Variants in PTPRK observed in about 807,000 individuals in gnomAD.
The protein encoded by PTPRK is receptor-type tyrosine-protein phosphatase kappa.
In PTPRK, 75 loss-of-function variants were observed where a neutral mutation model predicts 178.0. The observed-to-expected ratio is 0.42, with a 90% CI of 0.35 to 0.51. PTPRK has a LOEUF of 0.51. PTPRK is among the 20% of genes least tolerant of loss of function. PTPRK has a pLI of 0.02. For synonymous variants in PTPRK, 637 were observed against 620.6 expected (o/e 1.03, Z -0.39); for missense variants, 1,441 against 1,797.8 (o/e 0.80, Z 3.59).
chr6:128,295,270 G>C (rs1463618876), intron 3 of PTPRK, among the ~76,000 whole-genome samples: 2 of 151,930 alleles, frequency 1.3e-5, no homozygotes, highest in African/African-American at 4.8e-5. Flanking sequence ...ACCACTATTG[G>C]ATAGTGGACA....
intron 3 of PTPRK, among the ~76,000 whole-genome samples, chr6:128,298,378 A>C (rs1028452276): frequency 2.0e-5 from 3 of 151,442 alleles, no homozygotes; most frequent in Non-Finnish European, 4.4e-5. Context: ...AGCTCATTTT[A>C]TGAGGCCAGC....
chr6:128,313,371 T>C (rs1234320607), intron 3 of PTPRK, among the ~76,000 whole-genome samples: 1 of 152,130 alleles, frequency 6.6e-6, no homozygotes, highest in Non-Finnish European at 1.5e-5. Context: ...CCTATAATAC[T>C]ATTGGAGGAA....
At chr6:128,157,560 T>G (rs1798109659) in intron 7 of PTPRK, among the ~76,000 whole-genome samples, 1 of 151,944 alleles carries the variant, frequency 6.6e-6, no homozygotes, top group African/African-American at 2.4e-5. Flanking sequence ...CTAAGTTTAT[T>G]TCTTTTCCAG....
intron 3 of PTPRK, among the ~76,000 whole-genome samples, chr6:128,282,545 T>C (rs1583884810): frequency 6.6e-6 from 1 of 152,154 alleles, no homozygotes; most frequent in Non-Finnish European, 1.5e-5. Context: ...ACACCAGAAG[T>C]TGATAAAACC....
Position 128,180,302 on chromosome 6 carries a change from G to C in PTPRK, c.1162+4130C>G, listed in dbSNP as rs575644135. Among the ~76,000 whole-genome samples the C allele has an allele frequency of 6.4e-3, 920 of 143,036 alleles. 7 individuals carry two copies. Among genetic ancestry groups the C allele is most frequent in the Middle Eastern group, 0.021 (6 of 282 alleles). The allele number at this position is 143,036 out of a possible 152,430, so 93.8% of individuals were successfully genotyped here. ...TATACCCAGAGGAAATAGACACACA[G>C]AAAAAAAAAAAGCAAGCATACTTTC... On this transcript the variant is annotated intron_variant, in intron 7 of 29. Coordinates refer to ENST00000368226, the MANE Select transcript of PTPRK (RefSeq NM_002844.4).
At chr6:128,019,082 G>A (rs1192360936) in intron 13 of PTPRK, among the ~76,000 whole-genome samples, 2 of 152,118 alleles carry the variant, frequency 1.3e-5, no homozygotes, top group Non-Finnish European at 2.9e-5. Flanking sequence ...ACAGGGGGAT[G>A]AATTTGTATC....
chr6:127,982,013 T>C, intron 24 of PTPRK, among the ~76,000 whole-genome samples: 1 of 152,056 alleles, frequency 6.6e-6, no homozygotes, highest in East Asian at 1.9e-4. Flanking sequence ...CTATTTTTTA[T>C]ATTTTTTGTA....
chr6:128,024,557 C>T (rs1379428090), intron 13 of PTPRK, among the ~76,000 whole-genome samples: 1 of 152,124 alleles, frequency 6.6e-6, no homozygotes, highest in Non-Finnish European at 1.5e-5. Context: ...GCCTGTAATC[C>T]CAGCACTTTG....
At chr6:128,262,390 C>A (rs546642456) in intron 3 of PTPRK, among the ~76,000 whole-genome samples, 87 of 152,222 alleles carry the variant, frequency 5.7e-4, no homozygotes, top group African/African-American at 1.9e-3. Flanking sequence ...AATCATTGAT[C>A]TTCAATATCT....
At chr6:128,371,517 A>C (rs1836280367) in intron 2 of PTPRK, among the ~76,000 whole-genome samples, 1 of 152,172 alleles carries the variant, frequency 6.6e-6, no homozygotes, top group Non-Finnish European at 1.5e-5. Context: ...ATCCATTACA[A>C]TCTGCTGCTG....
intron 3 of PTPRK, among the ~76,000 whole-genome samples, chr6:128,263,011 G>A (rs1320000552): frequency 6.6e-6 from 1 of 152,036 alleles, no homozygotes; most frequent in Non-Finnish European, 1.5e-5. Context: ...ACTGAGCCCT[G>A]AGGACCAGGC....
chr6:128,225,237 A>T lies in PTPRK; in HGVS notation c.694-6141T>A, dbSNP rs142905318. Among the ~76,000 whole-genome samples, 916 of 152,268 alleles carry T rather than the reference A, an allele frequency of 6.0e-3. 3 individuals are homozygous for T. The highest frequency in any genetic ancestry group is 0.024 in the Middle Eastern group (7 of 294). On this transcript the variant is annotated intron_variant, in intron 5 of 29. Coordinates refer to ENST00000368226, the MANE Select transcript of PTPRK (RefSeq NM_002844.4). ...CTTCATTGACTTTCATATATCATTG[A>T]CTATCATATGTCATTGACATAATGA...
intron 2 of PTPRK, among the ~76,000 whole-genome samples, chr6:128,330,781 T>C (rs1356979305): frequency 6.6e-6 from 1 of 152,032 alleles, no homozygotes; most frequent in Non-Finnish European, 1.5e-5. Context: ...TGCCTTCCTC[T>C]CCAACATTAT....
rs1004327328 is a variant in PTPRK, at chr6:128,305,668, A to G, written c.495+16371T>C. On this transcript the variant is annotated intron_variant, in intron 3 of 29. Transcript: ENST00000368226. Reference sequence around the variant, plus strand: ...CTTCAGAAAAATACAGATTCTGTCAATTATTCTAAGTAAAACTCAAATGTT... The same window carrying G: ...CTTCAGAAAAATACAGATTCTGTCAGTTATTCTAAGTAAAACTCAAATGTT... Among the ~76,000 whole-genome samples the G allele has an allele frequency of 7.2e-5, 11 of 152,326 alleles. No individual in the cohort carries two copies. In the South Asian group the frequency reaches 8.3e-4, roughly 11 times the overall value.
At chr6:128,235,304 A>G (rs1212626316) in intron 5 of PTPRK, 1 of 152,832 alleles carries the variant, frequency 6.5e-6, no homozygotes, top group Non-Finnish European at 1.5e-5. Context: ...ATTTAAAAAT[A>G]ACCAACATTT....
intron 1 of PTPRK, among the ~76,000 whole-genome samples, chr6:128,417,925 G>A (rs917405915): frequency 1.1e-4 from 17 of 152,058 alleles, no homozygotes; most frequent in Middle Eastern, 3.2e-3. Flanking sequence ...TTCACATTCT[G>A]GGCAATGTAT....
intron 1 of PTPRK, among the ~76,000 whole-genome samples, chr6:128,492,119 C>A (rs1344242011): frequency 6.6e-6 from 1 of 152,244 alleles, no homozygotes; most frequent in Admixed American, 6.5e-5. Context: ...CAACAAATTG[C>A]CACATTCATC....
chr6:128,473,553 T>A (rs1463975841), intron 1 of PTPRK, among the ~76,000 whole-genome samples: 2 of 152,026 alleles, frequency 1.3e-5, no homozygotes, highest in Non-Finnish European at 1.5e-5. Flanking sequence ...AATCAATATT[T>A]ACTATTATGG....
At chr6:128,038,700 G>A (rs776227613) in intron 13 of PTPRK, among the ~76,000 whole-genome samples, 4 of 152,144 alleles carry the variant, frequency 2.6e-5, no homozygotes, top group Non-Finnish European at 5.9e-5. Flanking sequence ...CTTTTCTTAA[G>A]GAGCAGCCAT....
Sources: allele counts gnomAD v4.1 joint callset (sites outside exome capture counted in the v4.1 genomes callset), GRCh38; gene constraint gnomAD v4.1.1; transcripts MANE v1.5; gene names NCBI Gene and HGNC (gene_info 2026-07-23, HGNC 2026-07-21).